ACHE: variants seen among roughly 807,000 people sequenced by gnomAD.
ACHE encodes acetylcholinesterase.
In ACHE, 19 loss-of-function variants were observed where a neutral mutation model predicts 53.9. The observed-to-expected ratio is 0.35, with a 90% CI of 0.25 to 0.52. The LOEUF (loss-of-function observed/expected upper bound fraction) is 0.52. Ranked by LOEUF, ACHE falls within the 20% of genes least tolerant of loss-of-function variation. The pLI is 0.95. For missense variants in ACHE, 605 were observed against 849.4 expected (o/e 0.71, Z 3.58); for synonymous variants, 392 against 378.1 (o/e 1.04, Z -0.43).
In ACHE at chr7:100,890,077, G is replaced by A. The variant is rs1171142932; in HGVS notation, c.*137C>T. 1 of 1,091,070 alleles carries A rather than the reference G, an allele frequency of 9.2e-7. No homozygotes were observed. Among genetic ancestry groups the A allele is most frequent in the East Asian group, 2.6e-5 (1 of 38,462 alleles). The allele number at this position is 1,091,070 out of a possible 1,614,324, so 67.6% of individuals were successfully genotyped here. Reference sequence around the variant, plus strand: ...CAGCCTGAGACATGCAGAGGACCGGGAGCCCCGGGGGACGTCGGGGTGGGG... The same window carrying A: ...CAGCCTGAGACATGCAGAGGACCGGAAGCCCCGGGGGACGTCGGGGTGGGG... On this transcript the variant is annotated 3_prime_UTR_variant, in exon 5 of 5. Coordinates refer to ENST00000241069, the MANE Select transcript of ACHE (RefSeq NM_000665.5).
In ACHE at chr7:100,893,285, T is replaced by C; in HGVS notation, c.948A>G (p.Glu316=). Residue 316 remains glutamate, a synonymous_variant, in exon 2 of 5, where the codon GAA becomes GAG. Coordinates refer to ENST00000241069, the MANE Select transcript of ACHE (RefSeq NM_000665.5). ...TRPAQVLVNH[E]WHVLPQESVF... ...CGCTTTCTTGAGGCAGCACGTGCCA[T>C]TCGTGGTTCACCAGGACCTGCGCTG... 6.2e-7 allele frequency: 1 copy of C among 1,613,986 alleles called. No homozygotes were observed.
Position 100,892,277 on chromosome 7 carries a change from G to T in ACHE, c.1553+57C>A. ...TGTCTCCGTGTGTCTGCCTTTGTGT[G>T]TCCTCCCGCCCCCGACTCCTGTCCT... On this transcript the variant is annotated intron_variant, in intron 3 of 4. Transcript: ENST00000241069. The surrounding 1 kb of genome is among the most constrained non-coding windows in gnomAD (Gnocchi z 5.2). 8 of 1,468,270 alleles carry T rather than the reference G, an allele frequency of 5.4e-6. No individual in the cohort carries two copies. The highest frequency in any genetic ancestry group is 1.5e-5 in the South Asian group (1 of 64,712). 91.0% of individuals were successfully genotyped at this position (1,468,270 alleles called of 1,614,324 possible).
chr7:100,892,413 G>T lies in ACHE; in HGVS notation c.1474C>A (p.Pro492Thr). 4.6e-6 allele frequency: 7 copies of T among 1,525,188 alleles called. No individual in the cohort carries two copies. Among genetic ancestry groups the T allele is most frequent in the Non-Finnish European group, 6.2e-6 (7 of 1,132,962 alleles). 94.5% of individuals were successfully genotyped at this position (1,525,188 alleles called of 1,614,324 possible). Residue 492 changes from proline (P) to threonine (T), a missense_variant, in exon 3 of 5, where the codon CCC becomes ACC. Physicochemically the swap from Pro to Thr is conservative, Grantham distance 38. Transcript: ENST00000241069. This position sits in a 1 kb window ranked among gnomAD's most constrained non-coding sequence, Gnocchi z 5.2. ...TCCTCTGCCGTGTAGTTTCGAGAGG[G>T]GTCCAGGGGGATCCCAAAGATGAAC... ...IEFIFGIPLD[P>T]SRNYTAEEKI...
chr7:100,891,695 C>T (rs1790709371), intron 3 of ACHE, among the ~76,000 whole-genome samples: 2 of 151,764 alleles, frequency 1.3e-5, no homozygotes, highest in Admixed American at 1.3e-4. Flanking sequence ...TCCAGGTAAA[C>T]TGGTGTGTGT....
intron 3 of ACHE, among the ~76,000 whole-genome samples, chr7:100,891,696 T>C (rs1180808242): frequency 6.6e-6 from 1 of 152,004 alleles, no homozygotes; most frequent in Non-Finnish European, 1.5e-5. Context: ...CCAGGTAAAC[T>C]GGTGTGTGTG....
At chr7:100,894,878 C>G (rs1255996251) in intron 1 of ACHE, among the ~76,000 whole-genome samples, 1 of 152,134 alleles carries the variant, frequency 6.6e-6, no homozygotes, top group Non-Finnish European at 1.5e-5. Context: ...CAGCCCAGCC[C>G]CAGCAAACAG....
chr7:100,891,067 C>A (rs749844262), intron 4 of ACHE, 102 bp downstream of exon 4: 3 of 1,503,534 alleles, frequency 2.0e-6, no homozygotes, highest in Non-Finnish European at 1.8e-6. Flanking sequence ...GAAGCCTGGG[C>A]AGGTGCTGGG....
At chr7:100,890,760 C>A in intron 4 of ACHE, 1 of 1,343,338 alleles carries the variant, frequency 7.4e-7, no homozygotes. Context: ...TTTCCATTTC[C>A]ATTCAAACAA....
chr7:100,890,482 G>C (rs1197579304), intron 4 of ACHE, 147 bp from the exon 5 acceptor site: 13 of 1,456,258 alleles, frequency 8.9e-6, no homozygotes, highest in Non-Finnish European at 1.2e-5. Flanking sequence ...GGTGGCAAGA[G>C]GATCAGGAGA....
Position 100,893,421 on chromosome 7 carries a change from C to G in ACHE, c.812G>C (p.Gly271Ala), listed in dbSNP as rs1333588618. ...GGCCCTGCGACGGGCCTCTCCCATG[C>G]CCACCGTGGCCCAGGGTCCATTGGG... The part of the protein sequence containing the change: ...GAPNGPWATV[G>A]MGEARRRATQ... Residue 271 changes from glycine (G) to alanine (A), a missense_variant, in exon 2 of 5, where the codon GGC becomes GCC. Gly to Ala is a moderately conservative substitution (Grantham distance 60). Around this residue, in one of 4 missense-constraint regions of ACHE, gnomAD observed 397 missense variants for 632.5 expected, o/e 0.63. Transcript: ENST00000241069. 29 of 1,610,180 alleles carry G rather than the reference C, an allele frequency of 1.8e-5. No individual in the cohort carries two copies. The highest frequency in any genetic ancestry group is 2.3e-5 in the Non-Finnish European group (27 of 1,179,544).
At position 100,892,139 on chromosome 7, in the gene ACHE, C is replaced by G. The variant is rs1329293568; in HGVS notation, c.1553+195G>C. Among the ~76,000 whole-genome samples the G allele has an allele frequency of 6.6e-6, 1 of 151,820 alleles. No individual in the cohort carries two copies. Among genetic ancestry groups the G allele is most frequent in the African/African-American group, 2.4e-5 (1 of 41,310 alleles). On this transcript the variant is annotated intron_variant, in intron 3 of 4. Transcript: ENST00000241069. This position sits in a 1 kb window ranked among gnomAD's most constrained non-coding sequence, Gnocchi z 5.2. ...TCACTTTCCTTTGCCTCTGTCTCTG[C>G]AAGACCCCCTCTGCCTTCTCTGTCT...
In ACHE at chr7:100,894,200, A is replaced by G. The variant is rs1584776871; in HGVS notation, c.33T>C (p.Pro11=). Residue 11 remains proline, a synonymous_variant, in exon 2 of 5, where the codon CCT becomes CCC. Transcript: ENST00000241069. ...GGAGAAGGAGTGGGGAAGCCAGGGA[A>G]GGCGTGTGCAGCAGACACTGCGGGG... is the stretch of plus-strand genomic sequence containing the variant. MRPPQCLLHT[P]SLASPLLLLL... The G allele has an allele frequency of 6.8e-7, 1 of 1,470,950 alleles. No homozygotes were observed. The highest frequency in any genetic ancestry group is 8.9e-7 in the Non-Finnish European group (1 of 1,117,438). The allele number at this position is 1,470,950 out of a possible 1,614,324, so 91.1% of individuals were successfully genotyped here. A position where few individuals can be genotyped will look rare whatever the true frequency, so the allele number is the denominator to read the frequency against.
In ACHE at chr7:100,893,990, C is replaced by A. The variant is rs747887610; in HGVS notation, c.243G>T (p.Pro81=). ...CCCCTGACCAAGGCTGCTTGGGCTC[C>A]GGTGGCAGAAAGCGACGGGGTCCCA... The part of the protein sequence containing the change: ...PPMGPRRFLP[P]EPKQPWSGVV... The change falls in exon 2 of 5, where the codon CCG becomes CCT. Residue 81 remains proline (P), a synonymous_variant. Transcript: ENST00000241069. 9.3e-6 allele frequency: 15 copies of A among 1,610,222 alleles called. No individual in the cohort carries two copies. The highest frequency in any genetic ancestry group is 1.3e-5 in the Non-Finnish European group (15 of 1,178,300).
Position 100,891,017 on chromosome 7 carries a change from G to T in ACHE, c.1723+152C>A, listed in dbSNP as rs17886728. The T allele has an allele frequency of 5.6e-3, 8,210 of 1,456,298 alleles. 30 individuals carry two copies. Among genetic ancestry groups the T allele is most frequent in the Middle Eastern group, 8.7e-3 (35 of 4,010 alleles). 90.2% of individuals were successfully genotyped at this position (1,456,298 alleles called of 1,614,324 possible). ...AGAAGCTGGTGGAGGAGGAGGAGGGGCAGGGGGAGGCCGGGCCTCGGAGCA... is the reference window on the plus strand; with the variant it reads ...AGAAGCTGGTGGAGGAGGAGGAGGGTCAGGGGGAGGCCGGGCCTCGGAGCA... On this transcript the variant is annotated intron_variant, in intron 4 of 4. Coordinates refer to ENST00000241069, the MANE Select transcript of ACHE (RefSeq NM_000665.5).
In ACHE at chr7:100,890,139, A is replaced by G; in HGVS notation, c.*75T>C. 6.4e-7 allele frequency: 1 copy of G among 1,566,440 alleles called. No homozygotes were observed. Among genetic ancestry groups the G allele is most frequent in the African/African-American group, 1.3e-5 (1 of 74,296 alleles). On this transcript the variant is annotated 3_prime_UTR_variant, in exon 5 of 5. Transcript: ENST00000241069. ...AGAGTCTGGGGCTCGTCTGTGTTAT[A>G]GCCCAGCCCTGAAATAAATAGTATA...
rs1185448739 is a variant in ACHE at position 100,890,161 on chromosome 7, T to TA, written c.*52dup. On this transcript the variant is annotated 3_prime_UTR_variant, in exon 5 of 5. Transcript: ENST00000241069. Reference sequence around the variant, plus strand: ...TATAGCCCAGCCCTGAAATAAATAGTATATACAGCTAGGGGGCCGGGCGGA... The same window carrying TA: ...TATAGCCCAGCCCTGAAATAAATAGTAATATACAGCTAGGGGGCCGGGCGGA... The TA allele has an allele frequency of 6.2e-7, 1 of 1,605,824 alleles. No homozygotes were observed. Among genetic ancestry groups the TA allele is most frequent in the Admixed American group, 1.7e-5 (1 of 59,744 alleles).
At position 100,893,686 on chromosome 7, in the gene ACHE, G is replaced by A. The variant is rs755954914; in HGVS notation, c.547C>T (p.Arg183Trp). The change falls in exon 2 of 5, where the codon CGG (arginine) becomes TGG (tryptophan). Residue 183 changes from arginine (R) to tryptophan (W), a missense_variant. Arg to Trp is a moderately radical substitution (Grantham distance 101). Transcript: ENST00000241069. ...GCCAGGAAGCCAAAGGCTCCCACCC[G>A]GTAGTTCATGGACACCAGCACAGTC... ...ERTVLVSMNY[R>W]VGAFGFLALP... 1.2e-6 allele frequency: 2 copies of A among 1,613,290 alleles called. No individual in the cohort carries two copies. The highest frequency in any genetic ancestry group is 1.7e-6 in the Non-Finnish European group (2 of 1,180,004).
At chr7:100,890,968 C>T (rs1251962776) in intron 4 of ACHE, 2 of 1,467,408 alleles carry the variant, frequency 1.4e-6, no homozygotes, top group African/African-American at 1.4e-5. Context: ...TCACAGCCGC[C>T]GGAGGTGGGA....
rs1171118356 is a variant in ACHE, at chr7:100,891,241, C to A, written c.1651G>T (p.Val551Leu). 6.2e-7 allele frequency: 1 copy of A among 1,611,386 alleles called. No individual in the cohort carries two copies. Among genetic ancestry groups the A allele is most frequent in the Non-Finnish European group, 8.5e-7 (1 of 1,179,658 alleles). Residue 551 changes from valine to leucine, a missense_variant, in exon 4 of 5, where the codon GTG becomes TTG. By Grantham distance (32) the Val-to-Leu change is conservative. This residue lies in a region of ACHE where 91 missense variants were observed against 83.2 expected (regional missense o/e 1.09). Transcript: ENST00000241069. ...GCCTGGGCGCGCAGCCCCCGCCGCA[C>A]CTCCAGCGGCCGCAGGTCCAGACTA... ...YVSLDLRPLE[V>L]RRGLRAQACA...
Sources: gnomAD v4.1 joint callset for allele counts (sites outside exome capture counted in the v4.1 genomes callset) on GRCh38, gnomAD v4.1.1 for gene constraint, gnomAD v4.1.1 regional missense constraint, Gnocchi (gnomAD v3.1) non-coding constraint, MANE v1.5 for transcripts, NCBI Gene and HGNC (gene_info 2026-07-23, HGNC 2026-07-21) for gene names.